SNTG2: variants seen among roughly 807,000 people sequenced by gnomAD.
The protein encoded by SNTG2 is syntrophin gamma 2, also known as gamma-2-syntrophin.
In SNTG2, 74 loss-of-function variants were observed where a neutral mutation model predicts 70.9. That is an observed-to-expected ratio of 1.04 (90% CI 0.86 to 1.27). The LOEUF (loss-of-function observed/expected upper bound fraction) is 1.27. Ranked by LOEUF, SNTG2 falls within the 50% of genes most tolerant of loss-of-function variation. The pLI is 0.00. For synonymous variants in SNTG2, 278 were observed against 273.8 expected (o/e 1.02, Z -0.15); for missense variants, 717 against 690.7 (o/e 1.04, Z -0.43).
chr2:1,298,705 C>T (rs1680323766), intron 14 of SNTG2, among the ~76,000 whole-genome samples: 1 of 152,146 alleles, frequency 6.6e-6, no homozygotes, highest in Admixed American at 6.5e-5. Context: ...TGAGTGTCAA[C>T]TTGATTGGCT....
At chr2:1,242,658 T>G (rs1173637528) in intron 11 of SNTG2, 1 of 152,200 alleles carries the variant, frequency 6.6e-6, no homozygotes, top group African/African-American at 2.4e-5. Flanking sequence ...AGGTAGCTAT[T>G]GATGATGCCT....
intron 14 of SNTG2, among the ~76,000 whole-genome samples, chr2:1,293,826 G>C (rs187602481): frequency 6.1e-4 from 93 of 152,264 alleles, no homozygotes; most frequent in Middle Eastern, 3.4e-3. Flanking sequence ...CCTCTGGCAG[G>C]CTTCCTTTTG....
intron 16 of SNTG2, among the ~76,000 whole-genome samples, chr2:1,357,105 T>C (rs942566613): frequency 2.6e-5 from 4 of 152,186 alleles, no homozygotes; most frequent in Admixed American, 2.0e-4. Flanking sequence ...ATTATGTTTC[T>C]ACAGAGATAG....
intron 8 of SNTG2, among the ~76,000 whole-genome samples, chr2:1,208,107 T>C (rs903670386): frequency 6.6e-6 from 1 of 152,210 alleles, no homozygotes; most frequent in Non-Finnish European, 1.5e-5. Context: ...CAACAGTCCC[T>C]GGACCCTATG....
intron 1 of SNTG2, among the ~76,000 whole-genome samples, chr2:1,015,563 C>T (rs1357166418): frequency 6.6e-6 from 1 of 152,068 alleles, no homozygotes; most frequent in Non-Finnish European, 1.5e-5. Context: ...CAGGTGGAAA[C>T]CTTTAAGGCC....
At chr2:1,162,784 G>A (rs1456714307) in intron 6 of SNTG2, among the ~76,000 whole-genome samples, 3 of 152,168 alleles carry the variant, frequency 2.0e-5, no homozygotes, top group South Asian at 2.1e-4. Flanking sequence ...TTGTGCGGGG[G>A]GAGGATAGAA....
intron 1 of SNTG2, among the ~76,000 whole-genome samples, chr2:1,057,775 C>T (rs1662557009): frequency 6.6e-6 from 1 of 152,146 alleles, no homozygotes; most frequent in South Asian, 2.1e-4. Context: ...ATAAATGCCT[C>T]TAAATGTGCA....
At chr2:960,249 A>G (rs1572165211) in intron 1 of SNTG2, among the ~76,000 whole-genome samples, 1 of 152,240 alleles carries the variant, frequency 6.6e-6, no homozygotes, top group Non-Finnish European at 1.5e-5. Context: ...GTTGCTTAGG[A>G]ATCCCAGCTG....
intron 7 of SNTG2, 83 bp downstream of exon 7, chr2:1,165,718 C>A: frequency 1.7e-6 from 2 of 1,163,664 alleles, no homozygotes; most frequent in Non-Finnish European, 1.3e-6. Flanking sequence ...ACCACATGGA[C>A]TGGGATATTA....
chr2:1,128,807 C>T (rs577377885), intron 4 of SNTG2, among the ~76,000 whole-genome samples: 112 of 152,168 alleles, frequency 7.4e-4, no homozygotes, highest in African/African-American at 2.6e-3. Flanking sequence ...AGCCATCAGC[C>T]AGGATGAGAG....
At chr2:1,192,757 C>A (rs945376736) in intron 8 of SNTG2, among the ~76,000 whole-genome samples, 16 of 152,142 alleles carry the variant, frequency 1.1e-4, no homozygotes, top group African/African-American at 3.9e-4. Flanking sequence ...TACACCCTCC[C>A]CTAGTGGAAT....
At chr2:1,099,640 G>C (rs928273371) in intron 4 of SNTG2, among the ~76,000 whole-genome samples, 8 of 152,048 alleles carry the variant, frequency 5.3e-5, no homozygotes, top group Non-Finnish European at 1.2e-4. Context: ...AGTGAGGGCA[G>C]CGATGGTCAG....
rs983312360 is a variant in SNTG2, at chr2:1,097,849, C to T, written c.211-347C>T. Among the ~76,000 whole-genome samples, 1 of 151,774 alleles carries T rather than the reference C, an allele frequency of 6.6e-6. No homozygotes were observed. Among genetic ancestry groups the T allele is most frequent in the African/African-American group, 2.4e-5 (1 of 41,316 alleles). ...TCTAAAACAGGACTGAGTGCTCCGC[C>T]CCACTTCCCTTTCACCACCTGGGAG... On this transcript the variant is annotated intron_variant, in intron 2 of 16. Coordinates refer to ENST00000308624, the MANE Select transcript of SNTG2 (RefSeq NM_018968.4). The surrounding 1 kb of genome is among the most constrained non-coding windows in gnomAD (Gnocchi z 4.1).
chr2:1,347,542 A>G (rs1447052491), intron 16 of SNTG2, among the ~76,000 whole-genome samples: 5 of 152,028 alleles, frequency 3.3e-5, no homozygotes, highest in Non-Finnish European at 7.4e-5. Context: ...CCTCTCTGTC[A>G]CTCTGAAGTC....
chr2:980,999 A>C (rs1222582007), intron 1 of SNTG2, among the ~76,000 whole-genome samples: 4 of 152,200 alleles, frequency 2.6e-5, no homozygotes, highest in African/African-American at 4.8e-5. Context: ...AAGTTAAATG[A>C]GTAGCCCAAG....
At chr2:1,190,156 A>T (rs1672490722) in intron 8 of SNTG2, among the ~76,000 whole-genome samples, 1 of 152,096 alleles carries the variant, frequency 6.6e-6, no homozygotes, top group South Asian at 2.1e-4. Context: ...TTATATATAC[A>T]CACAGTCATC....
chr2:1,364,531 C>A (rs1485262301), intron 16 of SNTG2, among the ~76,000 whole-genome samples: 2 of 151,242 alleles, frequency 1.3e-5, no homozygotes, highest in East Asian at 3.9e-4. Flanking sequence ...CCGGTGCTGG[C>A]AGATCACGAG....
At chr2:1,210,758 C>T (rs1043052292) in intron 9 of SNTG2, 6 of 152,078 alleles carry the variant, frequency 3.9e-5, no homozygotes, top group African/African-American at 1.2e-4. Flanking sequence ...TTTAGATGTG[C>T]TTAGATACAC....
chr2:1,245,838 T>A (rs1159956032), intron 11 of SNTG2, among the ~76,000 whole-genome samples: 1 of 152,224 alleles, frequency 6.6e-6, no homozygotes, highest in African/African-American at 2.4e-5. Context: ...CCCCAGCTAG[T>A]GCCTTATGAG....
Sources: allele counts gnomAD v4.1 joint callset (sites outside exome capture counted in the v4.1 genomes callset), GRCh38; gene constraint gnomAD v4.1.1; non-coding constraint Gnocchi (gnomAD v3.1); transcripts MANE v1.5; gene names NCBI Gene and HGNC (gene_info 2026-07-23, HGNC 2026-07-21).